LIN54: variants seen among roughly 807,000 people sequenced by gnomAD.
LIN54 encodes protein lin-54 homolog.
A neutral mutation model predicts 78.7 loss-of-function variants in LIN54; 9 were observed. The observed-to-expected ratio is 0.11, with a 90% CI of 0.07 to 0.20. The LOEUF is 0.20. Ranked by LOEUF, LIN54 falls within the 10% of genes least tolerant of loss-of-function variation. The probability of loss-of-function intolerance (pLI) is 1.00; values close to 1 mark genes in which losing one functional copy is unlikely to be tolerated. For synonymous variants in LIN54, 269 were observed against 318.4 expected (o/e 0.84, Z 1.65); for missense variants, 573 against 889.9 (o/e 0.64, Z 4.53).
At chr4:82,945,034 G>C (rs947749184) in intron 5 of LIN54, among the ~76,000 whole-genome samples, 4 of 152,104 alleles carry the variant, frequency 2.6e-5, no homozygotes, top group African/African-American at 9.7e-5. Flanking sequence ...GCTAATTTTT[G>C]TATTTTTAGT....
rs531045516 is a variant in LIN54 at position 82,926,812 on chromosome 4, A to G, written c.*1290T>C. On this transcript the variant is annotated 3_prime_UTR_variant, in exon 13 of 13. Coordinates refer to ENST00000340417, the MANE Select transcript of LIN54 (RefSeq NM_194282.4). ...GTTAGGAGGCCCATTTCTGTAAATC[A>G]AGTAAGAGTTGCGATTTGGTTTGAA... 6.6e-6 allele frequency: 1 copy of G among 152,306 alleles called. No homozygotes were observed. The highest frequency in any genetic ancestry group is 2.4e-5 in the African/African-American group (1 of 41,548). 9.4% of individuals were successfully genotyped at this position (152,306 alleles called of 1,614,324 possible).
intron 2 of LIN54, among the ~76,000 whole-genome samples, chr4:82,981,947 G>A (rs13146286): frequency 0.18 from 27,909 of 151,978 alleles, 2,738 homozygotes; most frequent in South Asian, 0.32. Context: ...CGTGGGAGGA[G>A]CATTTGAGCT....
chr4:82,970,291 C>A, intron 4 of LIN54, 36 bp downstream of exon 4: 1 of 1,589,526 alleles, frequency 6.3e-7, no homozygotes, highest in Non-Finnish European at 8.6e-7. Flanking sequence ...GCATCAACCA[C>A]AATATTTGGT....
chr4:82,952,116 T>C (rs1723891486), intron 4 of LIN54, among the ~76,000 whole-genome samples: 1 of 151,976 alleles, frequency 6.6e-6, no homozygotes. Context: ...CAAAGAAAAA[T>C]AGAGAAATGG....
chr4:82,949,845 C>CTTTTT (rs370091580), intron 4 of LIN54, among the ~76,000 whole-genome samples: 3 of 126,458 alleles, frequency 2.4e-5, no homozygotes, highest in Non-Finnish European at 3.2e-5. Context: ...TTTATTTTTG[C>CTTTTT]TTTTTTTTTT....
chr4:82,951,522 C>T (rs13147041), intron 4 of LIN54, among the ~76,000 whole-genome samples: 75,487 of 151,880 alleles, frequency 0.5, 21,150 homozygotes, highest in East Asian at 0.78. Context: ...TTTATCAAGA[C>T]AGGGAAAATA....
chr4:82,985,033 C>A (rs1389685959), intron 1 of LIN54, among the ~76,000 whole-genome samples, 157 bp from the exon 2 acceptor site: 1 of 152,170 alleles, frequency 6.6e-6, no homozygotes, highest in Non-Finnish European at 1.5e-5. Context: ...ATCATGTTAA[C>A]ACATCCTCAA....
intron 4 of LIN54, among the ~76,000 whole-genome samples, chr4:82,958,700 A>T (rs1724541315): frequency 6.6e-6 from 1 of 151,946 alleles, no homozygotes; most frequent in African/African-American, 2.4e-5. Context: ...TTTATTTATT[A>T]TTATTATTAT....
At chr4:83,006,487 G>A (rs1729381589) in intron 1 of LIN54, among the ~76,000 whole-genome samples, 1 of 149,702 alleles carries the variant, frequency 6.7e-6, no homozygotes, top group South Asian at 2.1e-4. Context: ...AAAAACTATT[G>A]GATACTATGC....
chr4:83,000,309 G>A (rs988553091), intron 1 of LIN54, among the ~76,000 whole-genome samples: 32 of 152,302 alleles, frequency 2.1e-4, no homozygotes, highest in African/African-American at 7.5e-4. Context: ...TGAAGGGATA[G>A]GCCAACTCTA....
intron 4 of LIN54, among the ~76,000 whole-genome samples, chr4:82,955,544 A>G (rs1161330596): frequency 3.3e-5 from 5 of 152,178 alleles, no homozygotes; most frequent in African/African-American, 9.7e-5. Context: ...ATAAAGACAG[A>G]CATATAGAAC....
At chr4:82,939,298 TC>T (rs1722644078) in intron 7 of LIN54, among the ~76,000 whole-genome samples, 1 of 152,240 alleles carries the variant, frequency 6.6e-6, no homozygotes, top group African/African-American at 2.4e-5. Flanking sequence ...AGGCTTGCGC[TC>T]CTGCCAAGCT....
At chr4:82,961,735 C>G (rs368637136) in intron 4 of LIN54, among the ~76,000 whole-genome samples, 22 of 152,206 alleles carry the variant, frequency 1.4e-4, no homozygotes, top group Admixed American at 9.8e-4. Flanking sequence ...GGCGGATCAC[C>G]TGAGGTCAGG....
Position 82,926,176 on chromosome 4 carries a change from T to C in LIN54, c.*1926A>G, listed in dbSNP as rs1219800243. On this transcript the variant is annotated 3_prime_UTR_variant, in exon 13 of 13. Coordinates refer to ENST00000340417, the MANE Select transcript of LIN54 (RefSeq NM_194282.4). ...TGTATATAAATACACATCACAAAGG[T>C]GCAATTAGAATTAACACAGAGTATG... is the stretch of plus-strand genomic sequence containing the variant. 2 of 152,562 alleles carry C rather than the reference T, an allele frequency of 1.3e-5. No individual in the cohort carries two copies. Among genetic ancestry groups the C allele is most frequent in the African/African-American group, 4.8e-5 (2 of 41,452 alleles). 9.5% of individuals were successfully genotyped at this position (152,562 alleles called of 1,614,324 possible).
chr4:82,974,045 C>T (rs1274269663), intron 3 of LIN54, among the ~76,000 whole-genome samples: 2 of 151,964 alleles, frequency 1.3e-5, no homozygotes, highest in Non-Finnish European at 2.9e-5. Flanking sequence ...CCCATCTCTA[C>T]TAAAAATACA....
chr4:82,979,964 A>AAAAAAAAAAAAAC (rs1726496426), intron 2 of LIN54, among the ~76,000 whole-genome samples: 13 of 139,576 alleles, frequency 9.3e-5, no homozygotes, highest in South Asian at 4.8e-4. Context: ...AAAAAAAAAA[A>AAAAAAAAAAAAAC]AATACTGGGT....
intron 4 of LIN54, among the ~76,000 whole-genome samples, chr4:82,955,995 T>C (rs1578538880): frequency 6.6e-6 from 1 of 152,170 alleles, no homozygotes; most frequent in East Asian, 1.9e-4. Flanking sequence ...GGAGTCTTGC[T>C]CTGTCACCCA....
At chr4:82,974,507 T>C (rs764593363) in intron 3 of LIN54, among the ~76,000 whole-genome samples, 119 of 150,478 alleles carry the variant, frequency 7.9e-4, no homozygotes, top group Non-Finnish European at 1.4e-3. Flanking sequence ...GAGGCCGAGG[T>C]GGGCAGATCA....
At chr4:83,011,912 G>A (rs773480063), upstream of LIN54, 5 of 433,906 alleles carry the variant, frequency 1.2e-5, no homozygotes, top group African/African-American at 6.4e-5. Context: ...CATAAGCTCT[G>A]GGCAAACTGA....
Sources: gnomAD v4.1 joint callset for allele counts (sites outside exome capture counted in the v4.1 genomes callset) on GRCh38, gnomAD v4.1.1 for gene constraint, MANE v1.5 for transcripts, NCBI Gene and HGNC (gene_info 2026-07-23, HGNC 2026-07-21) for gene names.